SLC4A2: variants seen among roughly 807,000 people sequenced by gnomAD.
The protein encoded by SLC4A2 is anion exchange protein 2.
SLC4A2 carries 36 observed loss-of-function variants against 115.0 expected under a neutral mutation model. The observed-to-expected ratio is 0.31, with a 90% confidence interval of 0.24 to 0.41. The LOEUF (loss-of-function observed/expected upper bound fraction) is 0.41, where lower values mean the gene tolerates loss of function less well. SLC4A2 is among the 10% of genes least tolerant of loss of function. SLC4A2 has a pLI of 1.00. For missense variants in SLC4A2, 1,252 were observed against 1,705.6 expected, an observed-to-expected ratio of 0.73 and a Z score of 4.68; for synonymous variants, 708 against 708.3, an observed-to-expected ratio of 1.00 and a Z score of 0.01.
At chr7:151,068,171 T>C in intron 8 of SLC4A2, 117 bp downstream of exon 8, 1 of 738,816 alleles carries the variant, frequency 1.4e-6, no homozygotes, top group South Asian at 2.6e-5. Context: ...AGAGGAAGCA[T>C]GGTCCACACC....
chr7:151,065,910 G>A (rs1382050239), intron 5 of SLC4A2, among the ~76,000 whole-genome samples: 2 of 152,158 alleles, frequency 1.3e-5, no homozygotes. Context: ...CACGTGGCAG[G>A]GCCCTGGCCA....
In SLC4A2 at chr7:151,072,022, G is replaced by T. The variant is rs1305367783; in HGVS notation, c.2421G>T (p.Met807Ile). Residue 807 changes from methionine (M) to isoleucine (I), a missense_variant, in exon 16 of 23, where the codon ATG becomes ATT. Coordinates refer to ENST00000413384, the MANE Select transcript of SLC4A2 (RefSeq NM_003040.4). ...GFWLVFLALL[M>I]VALEGSFLVR... ...GGCTGGTGTTCCTGGCCCTGCTCAT[G>T]GTGGCCCTGGAGGGGAGCTTCCTGG... The T allele has an allele frequency of 1.3e-5, 21 of 1,613,990 alleles. No homozygotes were observed. Among genetic ancestry groups the T allele is most frequent in the Admixed American group, 1.7e-5 (1 of 60,002 alleles).
At chr7:151,063,915 G>C (rs1299599232) in intron 2 of SLC4A2, among the ~76,000 whole-genome samples, 1 of 152,034 alleles carries the variant, frequency 6.6e-6, no homozygotes, top group East Asian at 1.9e-4. Flanking sequence ...TTTTAGTAGA[G>C]ATGGGGTTTC....
intron 2 of SLC4A2, chr7:151,062,870 G>A (rs1797098975): frequency 1.4e-6 from 2 of 1,387,110 alleles, no homozygotes; most frequent in African/African-American, 3.0e-5. Context: ...GCCAGTCCCA[G>A]CTGCTCCAGT....
chr7:151,067,117 C>G, intron 7 of SLC4A2, 124 bp downstream of exon 7: 1 of 1,059,990 alleles, frequency 9.4e-7, no homozygotes, highest in South Asian at 1.6e-5. Flanking sequence ...TTGAGACAGT[C>G]TCGCTCTGTT....
Position 151,076,177 on chromosome 7 carries a change from G to A in SLC4A2, c.3636G>A (p.Glu1212=). The A allele has an allele frequency of 6.2e-7, 1 of 1,611,668 alleles. No individual in the cohort carries two copies. ...VVLTRIFTDR[E]MKCLDANEAE... is the part of the protein sequence containing the mutation. ...TCACCCGTATCTTCACCGACCGAGAGATGAAATGTGTAAGCCCTCCCGTCT... is the reference window on the plus strand; with the variant it reads ...TCACCCGTATCTTCACCGACCGAGAAATGAAATGTGTAAGCCCTCCCGTCT... Residue 1212 remains glutamate, a synonymous_variant, in exon 22 of 23, where the codon GAG becomes GAA. Coordinates refer to ENST00000413384, the MANE Select transcript of SLC4A2 (RefSeq NM_003040.4).
At chr7:151,067,698 G>T (rs1029805360) in intron 7 of SLC4A2, among the ~76,000 whole-genome samples, 176 bp from the exon 8 acceptor site, 2 of 152,158 alleles carry the variant, frequency 1.3e-5, no homozygotes, top group Non-Finnish European at 2.9e-5. Context: ...CGTCTCATTG[G>T]TTAGTCAGTT....
At position 151,074,317 on chromosome 7, in the gene SLC4A2, G is replaced by A. The variant is rs370911746; in HGVS notation, c.2790+24G>A. 106 of 1,609,158 alleles carry A rather than the reference G, an allele frequency of 6.6e-5. No individual in the cohort carries two copies. In the African/African-American group the frequency reaches 1.1e-3, roughly 17 times the overall value. ...GGGTGCGTGGGCTTAAAGGCCAAGA[G>A]GGGGTTAGGGGCAGGAAGGGGGGTG... On this transcript the variant is annotated intron_variant, in intron 17 of 22. Transcript: ENST00000413384.
In SLC4A2 at chr7:151,070,309, G is replaced by A. The variant is rs372176697; in HGVS notation, c.1412G>A (p.Gly471Glu). ...SDPHVTEPLM[G>E]GVPETRLEVE... is the part of the protein sequence containing the mutation. The stretch of plus-strand genomic sequence containing the variant: ...CCCCACGTCACCGAGCCTCTCATGG[G>A]AGGTGTTCCTGAGACCCGGCTGGAG... The change falls in exon 10 of 23, where the codon GGA (glycine) becomes GAA (glutamate). Residue 471 changes from glycine (G) to glutamate (E), a missense_variant. Transcript: ENST00000413384. The A allele has an allele frequency of 8.0e-5, 129 of 1,613,236 alleles. No homozygotes were observed. Among genetic ancestry groups the A allele is most frequent in the Middle Eastern group, 5.0e-4 (3 of 6,058 alleles).
In SLC4A2 at chr7:151,061,960, C is replaced by G. The variant is rs780851105; in HGVS notation, c.-28C>G. ...CGCCTCGTTGCCCTGAAAGCCGCAG[C>G]GACAGCGAAAAGGGCTAAGATTCGG... On this transcript the variant is annotated 5_prime_UTR_variant, in exon 2 of 23. Transcript: ENST00000413384. The G allele has an allele frequency of 6.2e-6, 10 of 1,606,430 alleles. No individual in the cohort carries two copies. Among genetic ancestry groups the G allele is most frequent in the African/African-American group, 5.3e-5 (4 of 74,884 alleles).
intron 18 of SLC4A2, 62 bp from the exon 19 acceptor site, chr7:151,074,613 T>G: frequency 6.4e-7 from 1 of 1,568,734 alleles, no homozygotes; most frequent in East Asian, 2.3e-5. Context: ...GCCATCCCCT[T>G]TCCATGGCAT....
At position 151,070,102 on chromosome 7, in the gene SLC4A2, T is replaced by G; in HGVS notation, c.1283+20T>G. ...ACACAGGTGAGGCCCTGTGGGCCAG[T>G]TGGGGATGACACTTCAGCCCACCTG... is the stretch of plus-strand genomic sequence containing the variant. On this transcript the variant is annotated intron_variant, in intron 9 of 22. Coordinates refer to ENST00000413384, the MANE Select transcript of SLC4A2 (RefSeq NM_003040.4). The G allele has an allele frequency of 6.2e-7, 1 of 1,613,852 alleles. No homozygotes were observed. The highest frequency in any genetic ancestry group is 8.5e-7 in the Non-Finnish European group (1 of 1,179,842).
At chr7:151,069,843 C>T (rs1291836117) in intron 8 of SLC4A2, 104 bp from the exon 9 acceptor site, 3 of 1,411,462 alleles carry the variant, frequency 2.1e-6, no homozygotes, top group African/African-American at 1.4e-5. Flanking sequence ...GGTGTTCCAG[C>T]CCCGGCACCC....
intron 16 of SLC4A2, 46 bp downstream of exon 16, chr7:151,072,182 C>G: frequency 6.4e-7 from 1 of 1,556,278 alleles, no homozygotes; most frequent in Non-Finnish European, 8.8e-7. Context: ...GCCGAGGTCT[C>G]AGGGCTGGAG....
chr7:151,075,584 C>T lies in SLC4A2; in HGVS notation c.3302-22C>T, dbSNP rs781563520. The T allele has an allele frequency of 1.9e-6, 3 of 1,586,106 alleles. No homozygotes were observed. The Admixed American group carries it at 5.1e-5, about 27-fold the overall frequency. ...GGGCCAGGGGACCCCGGGGCCAACT[C>T]TTTCTCCTGCGCCTCCCGTAGGCCT... On this transcript the variant is annotated intron_variant, in intron 20 of 22. Transcript: ENST00000413384.
intron 11 of SLC4A2, 63 bp downstream of exon 11, chr7:151,070,634 T>C: frequency 6.9e-6 from 11 of 1,596,774 alleles, no homozygotes; most frequent in Non-Finnish European, 7.7e-6. Flanking sequence ...AGTCCTGTAG[T>C]CTCCCTGGCC....
intron 5 of SLC4A2, 95 bp from the exon 6 acceptor site, chr7:151,066,422 G>A (rs529355083): frequency 9.3e-6 from 13 of 1,391,328 alleles, no homozygotes; most frequent in East Asian, 2.5e-5. Context: ...CCTGGAGTCC[G>A]ATGTGGGTCC....
chr7:151,061,054 C>A (rs1455870472), intron 1 of SLC4A2, among the ~76,000 whole-genome samples: 1 of 151,988 alleles, frequency 6.6e-6, no homozygotes, highest in Non-Finnish European at 1.5e-5. Flanking sequence ...CAGTGTCCTC[C>A]CCAGACTCCC....
Position 151,066,655 on chromosome 7 carries a change from G to A in SLC4A2, c.717G>A (p.Arg239=). 3 of 1,550,834 alleles carry A rather than the reference G, an allele frequency of 1.9e-6. No homozygotes were observed. The highest frequency in any genetic ancestry group is 2.6e-6 in the Non-Finnish European group (3 of 1,147,052). The change falls in exon 6 of 23, where the codon AGG becomes AGA. Residue 239 remains arginine, a synonymous_variant. Coordinates refer to ENST00000413384, the MANE Select transcript of SLC4A2 (RefSeq NM_003040.4). ...GHRSYNLQER[R]RIGSMTGAEQ... is the part of the protein sequence containing the mutation. ...GCAGCTACAACCTTCAGGAGAGGAG[G>A]CGCATCGGGAGCATGACTGGGGCTG...
Sources: allele counts gnomAD v4.1 joint callset (sites outside exome capture counted in the v4.1 genomes callset), GRCh38; gene constraint gnomAD v4.1.1; transcripts MANE v1.5; gene names NCBI Gene and HGNC (gene_info 2026-07-23, HGNC 2026-07-21).